Variants in FAM222A observed in about 807,000 individuals in gnomAD.
FAM222A encodes the protein protein FAM222A.
In FAM222A, 7 loss-of-function variants were observed where a neutral mutation model predicts 25.8. The ratio of observed to expected loss-of-function variants is 0.27; its 90% CI spans 0.15 to 0.51. The LOEUF (loss-of-function observed/expected upper bound fraction) is 0.51, where lower values mean the gene tolerates loss of function less well. FAM222A is among the 20% of genes least tolerant of loss of function. FAM222A has a pLI of 0.97. For synonymous variants in FAM222A, 294 were observed against 298.8 expected, an observed-to-expected ratio of 0.98 and a Z score of 0.17; for missense variants, 573 against 640.5, an observed-to-expected ratio of 0.89 and a Z score of 1.14.
At chr12:109,734,464 GGTTTCCTGTCTCTCCCGGCACCC>G (rs1888029438) in intron 1 of FAM222A, 2 of 152,122 alleles carry the variant, frequency 1.3e-5, no homozygotes, top group South Asian at 4.2e-4. Flanking sequence ...AAGCCTCTGG[GGTTTCCTGTCTCTCCCGGCACCC>G]GTCTCCACCT....
At chr12:109,763,263 G>C (rs1237213979) in intron 2 of FAM222A, among the ~76,000 whole-genome samples, 1 of 152,246 alleles carries the variant, frequency 6.6e-6, no homozygotes, top group Non-Finnish European at 1.5e-5. Context: ...GCTCTTGGGA[G>C]ACTCTGAGCT....
At chr12:109,765,171 C>T (rs1889007321) in intron 2 of FAM222A, among the ~76,000 whole-genome samples, 1 of 152,246 alleles carries the variant, frequency 6.6e-6, no homozygotes, top group Admixed American at 6.5e-5. Flanking sequence ...CTGCCCAGTG[C>T]CCCACGTCGG....
chr12:109,732,594 C>G (rs1320906989), intron 1 of FAM222A, among the ~76,000 whole-genome samples: 2 of 152,262 alleles, frequency 1.3e-5, no homozygotes, highest in African/African-American at 4.8e-5. Context: ...GATTCAATCT[C>G]GGCTTTGTGC....
At chr12:109,755,129 A>C (rs1230913679) in intron 2 of FAM222A, among the ~76,000 whole-genome samples, 1 of 152,098 alleles carries the variant, frequency 6.6e-6, no homozygotes, top group Non-Finnish European at 1.5e-5. Context: ...GAAGCACAAA[A>C]GTTTTGAATT....
rs757766627 is a variant in FAM222A, at chr12:109,767,062, C to CTTT, written c.83-928_83-926dup. 4.4e-3 allele frequency among the ~76,000 whole-genome samples: 409 copies of CTTT among 92,922 alleles called. 4 individuals carry two copies. The highest frequency in any genetic ancestry group is 5.0e-3 in the Non-Finnish European group (249 of 50,014). 61.0% of individuals were successfully genotyped at this position (92,922 alleles called of 152,430 possible). The stretch of plus-strand genomic sequence containing the variant: ...AGGCATGCACCATAATGCTTGGCTT[C>CTTT]TTTTTTTTTTTTTTTTTTTTTTTTC... On this transcript the variant is annotated intron_variant, in intron 2 of 2. Coordinates refer to ENST00000538780, the MANE Select transcript of FAM222A (RefSeq NM_032829.3).
intron 1 of FAM222A, among the ~76,000 whole-genome samples, chr12:109,730,120 C>T (rs1887918948): frequency 6.6e-6 from 1 of 152,226 alleles, no homozygotes; most frequent in Non-Finnish European, 1.5e-5. Flanking sequence ...TCCACTCTTC[C>T]CTTGCCCACG....
chr12:109,753,297 C>T (rs1218959251), intron 2 of FAM222A, among the ~76,000 whole-genome samples: 3 of 152,278 alleles, frequency 2.0e-5, no homozygotes. Context: ...GACGTGGCCT[C>T]TCTGTGCCCC....
intron 1 of FAM222A, among the ~76,000 whole-genome samples, chr12:109,720,521 G>A (rs372946518): frequency 6.6e-6 from 1 of 152,250 alleles, no homozygotes; most frequent in African/African-American, 2.4e-5. Flanking sequence ...CTGCCCCTCG[G>A]CATCTGCAGA....
At chr12:109,743,893 C>G (rs1039780520) in intron 1 of FAM222A, 15 of 985,334 alleles carry the variant, frequency 1.5e-5, no homozygotes, top group African/African-American at 1.7e-5. Context: ...CTCAAGAGCC[C>G]TGGATTCTGT....
chr12:109,715,524 G>A (rs1448236531), intron 1 of FAM222A, among the ~76,000 whole-genome samples: 1 of 152,212 alleles, frequency 6.6e-6, no homozygotes, highest in East Asian at 1.9e-4. Flanking sequence ...CGGAGGGGGC[G>A]GGGTCGTGGT....
At chr12:109,736,206 C>G (rs948769043) in intron 1 of FAM222A, among the ~76,000 whole-genome samples, 15 of 152,352 alleles carry the variant, frequency 9.8e-5, no homozygotes, top group Admixed American at 9.1e-4. Flanking sequence ...TTCATGTTCT[C>G]TGTTTGCTCC....
intron 2 of FAM222A, among the ~76,000 whole-genome samples, chr12:109,751,137 A>G (rs1442182872): frequency 6.6e-6 from 1 of 150,912 alleles, no homozygotes; most frequent in Non-Finnish European, 1.5e-5. Flanking sequence ...GACTCATTTT[A>G]TGTTGCTCAC....
rs1888104028 is a variant in FAM222A at position 109,736,995 on chromosome 12, G to T, written c.-46-7106G>T. Among the ~76,000 whole-genome samples the T allele has an allele frequency of 1.3e-5, 2 of 152,168 alleles. 1 individual carries two copies. Among genetic ancestry groups the T allele is most frequent in the South Asian group, 4.1e-4 (2 of 4,826 alleles). On this transcript the variant is annotated intron_variant, in intron 1 of 2. Transcript: ENST00000538780. Reference sequence around the variant, plus strand: ...GAGGGCCCTGTGCTCAGGCACTGCTGTAGCACCGTGAACCCATAGAGGAAG... The same window carrying T: ...GAGGGCCCTGTGCTCAGGCACTGCTTTAGCACCGTGAACCCATAGAGGAAG...
intron 2 of FAM222A, among the ~76,000 whole-genome samples, chr12:109,753,087 C>T (rs1432906599): frequency 6.6e-6 from 1 of 152,232 alleles, no homozygotes; most frequent in Non-Finnish European, 1.5e-5. Context: ...AGTTAATATG[C>T]AAACTTTGAG....
chr12:109,732,474 A>G (rs1269205969), intron 1 of FAM222A, among the ~76,000 whole-genome samples: 3 of 152,156 alleles, frequency 2.0e-5, no homozygotes, highest in Non-Finnish European at 2.9e-5. Context: ...CCAGCAGCCC[A>G]TTGTCTGGCA....
intron 2 of FAM222A, among the ~76,000 whole-genome samples, chr12:109,759,218 A>T (rs1888818835): frequency 6.6e-6 from 1 of 152,186 alleles, no homozygotes; most frequent in African/African-American, 2.4e-5. Flanking sequence ...TCAGCTGCTT[A>T]TCTGTCAAAT....
At chr12:109,729,815 T>G (rs1887911065) in intron 1 of FAM222A, among the ~76,000 whole-genome samples, 1 of 152,198 alleles carries the variant, frequency 6.6e-6, no homozygotes, top group Non-Finnish European at 1.5e-5. Context: ...TTTCAGTTTT[T>G]CTTCTTTTCG....
chr12:109,730,667 C>T (rs192569741), intron 1 of FAM222A, among the ~76,000 whole-genome samples: 5 of 152,262 alleles, frequency 3.3e-5, no homozygotes, highest in East Asian at 1.9e-4. Context: ...TCATCTTTGC[C>T]GTGTTTGGTT....
intron 1 of FAM222A, among the ~76,000 whole-genome samples, chr12:109,730,361 G>A (rs1049087747): frequency 2.0e-5 from 3 of 149,792 alleles, no homozygotes; most frequent in South Asian, 2.2e-4. Context: ...TTCTGCAGGC[G>A]AGTGGCTGCC....
Sources: gnomAD v4.1 joint callset for allele counts (sites outside exome capture counted in the v4.1 genomes callset) on GRCh38, gnomAD v4.1.1 for gene constraint, MANE v1.5 for transcripts, NCBI Gene and HGNC (gene_info 2026-07-23, HGNC 2026-07-21) for gene names.